Variants in SLC35F4 observed in about 807,000 individuals in gnomAD.
SLC35F4 encodes the protein chromosome 14 open reading frame 36.
A neutral mutation model predicts 44.2 loss-of-function variants in SLC35F4; 24 were observed. The ratio of observed to expected loss-of-function variants is 0.54; its 90% CI spans 0.39 to 0.76. SLC35F4 has a LOEUF of 0.76. SLC35F4 is among the 30% of genes least tolerant of loss of function. The pLI is 0.00. For synonymous variants in SLC35F4, 238 were observed against 223.6 expected, an observed-to-expected ratio of 1.06 and a Z score of -0.57; for missense variants, 562 against 586.1, an observed-to-expected ratio of 0.96 and a Z score of 0.42.
chr14:57,617,130 C>CTTTTTTTTTTTT lies in SLC35F4; in HGVS notation c.104-23018_104-23007dup, dbSNP rs3054446. On this transcript the variant is annotated intron_variant, in intron 1 of 7. Transcript: ENST00000556826. Reference sequence around the variant, plus strand: ...CGAGCTCAGCTTAACTGTACTTATTCTTTTTTTTTTTTTTTTTTGAGACAG... The same window carrying CTTTTTTTTTTTT: ...CGAGCTCAGCTTAACTGTACTTATTCTTTTTTTTTTTTTTTTTTTTTTTTTTTTTTGAGACAG... 3.0e-4 allele frequency among the ~76,000 whole-genome samples: 30 copies of CTTTTTTTTTTTT among 99,260 alleles called. 2 individuals carry two copies. Among genetic ancestry groups the CTTTTTTTTTTTT allele is most frequent in the Non-Finnish European group, 4.4e-4 (23 of 52,458 alleles). 65.1% of individuals were successfully genotyped at this position (99,260 alleles called of 152,430 possible). A position where few individuals can be genotyped will look rare whatever the true frequency, so the allele number is the denominator to read the frequency against.
At chr14:57,789,420 C>T (rs1441370987) in intron 1 of SLC35F4, among the ~76,000 whole-genome samples, 1 of 152,134 alleles carries the variant, frequency 6.6e-6, no homozygotes, top group Non-Finnish European at 1.5e-5. Flanking sequence ...TTCCTGGACA[C>T]ATACACCCTC....
chr14:57,635,060 G>A (rs1299034671), intron 1 of SLC35F4, among the ~76,000 whole-genome samples: 1 of 151,866 alleles, frequency 6.6e-6, no homozygotes, highest in African/African-American at 2.4e-5. Context: ...GACAAACCTG[G>A]GCATCATAGT....
intron 1 of SLC35F4, among the ~76,000 whole-genome samples, chr14:57,641,692 C>T (rs1441917127): frequency 6.6e-6 from 1 of 151,870 alleles, no homozygotes; most frequent in East Asian, 1.9e-4. Flanking sequence ...TAAAAGGAAA[C>T]AAAATTTATA....
intron 1 of SLC35F4, among the ~76,000 whole-genome samples, chr14:57,783,647 T>C (rs1006298706): frequency 5.9e-5 from 9 of 152,196 alleles, no homozygotes; most frequent in South Asian, 4.1e-4. Context: ...GGTTGCTCCA[T>C]TGATGCTTTG....
At chr14:57,732,902 G>A (rs1305644634) in intron 1 of SLC35F4, among the ~76,000 whole-genome samples, 1 of 152,164 alleles carries the variant, frequency 6.6e-6, no homozygotes, top group East Asian at 1.9e-4. Flanking sequence ...AATTCACACT[G>A]CCTTTTGAAA....
At chr14:57,723,074 G>C (rs1426700297) in intron 1 of SLC35F4, among the ~76,000 whole-genome samples, 1 of 152,192 alleles carries the variant, frequency 6.6e-6, no homozygotes, top group Non-Finnish European at 1.5e-5. Context: ...CACTGGCTCT[G>C]AGCTGACATT....
At chr14:57,902,383 GAGAA>G (rs1408716494) in intron 1 of SLC35F4, among the ~76,000 whole-genome samples, 2 of 152,116 alleles carry the variant, frequency 1.3e-5, no homozygotes, top group South Asian at 2.1e-4. Flanking sequence ...GACCAACATG[GAGAA>G]ACCCTGTCCC....
chr14:57,571,383 A>G (rs1301153121), intron 5 of SLC35F4, among the ~76,000 whole-genome samples: 1 of 152,224 alleles, frequency 6.6e-6, no homozygotes, highest in African/African-American at 2.4e-5. Context: ...TAGTAACACG[A>G]GCTCCTGTGG....
chr14:57,625,062 T>G (rs1361863857), intron 1 of SLC35F4, among the ~76,000 whole-genome samples: 1 of 152,208 alleles, frequency 6.6e-6, no homozygotes, highest in Non-Finnish European at 1.5e-5. Flanking sequence ...AACCCCATCA[T>G]CTCAGCCCAA....
intron 1 of SLC35F4, among the ~76,000 whole-genome samples, chr14:57,895,593 T>TCTCC (rs1434291490): frequency 6.6e-6 from 1 of 151,850 alleles, no homozygotes; most frequent in Non-Finnish European, 1.5e-5. Context: ...TCTCTCTCTC[T>TCTCC]CTCTCTCTCT....
intron 5 of SLC35F4, among the ~76,000 whole-genome samples, chr14:57,570,554 G>T (rs1225952369): frequency 6.6e-6 from 1 of 152,168 alleles, no homozygotes; most frequent in African/African-American, 2.4e-5. Flanking sequence ...GAGGAAGATG[G>T]CAAGGAGAAG....
Position 57,644,538 on chromosome 14 carries a change from C to A in SLC35F4, c.104-50414G>T, listed in dbSNP as rs1005701345. On this transcript the variant is annotated intron_variant, in intron 1 of 7. Coordinates refer to ENST00000556826, the MANE Select transcript of SLC35F4 (RefSeq NM_001306087.2). ...AGCCCTTTGTCAGATGAGTAGGTTG[C>A]GAAAATTTTCTCCCATTCTGTAGGT... is the stretch of plus-strand genomic sequence containing the variant. Among the ~76,000 whole-genome samples, 10 of 151,472 alleles carry A rather than the reference C, an allele frequency of 6.6e-5. No homozygotes were observed. The East Asian group carries it at 1.7e-3, about 26-fold the overall frequency.
At chr14:57,726,841 G>A (rs2076216228) in intron 1 of SLC35F4, among the ~76,000 whole-genome samples, 1 of 152,086 alleles carries the variant, frequency 6.6e-6, no homozygotes, top group South Asian at 2.1e-4. Context: ...GAATTAGTGG[G>A]CTGGGAAAGG....
At chr14:57,857,175 G>A (rs967811687) in intron 1 of SLC35F4, among the ~76,000 whole-genome samples, 1 of 151,860 alleles carries the variant, frequency 6.6e-6, no homozygotes, top group Non-Finnish European at 1.5e-5. Context: ...TACTCGGGAG[G>A]TGGAGACAGG....
chr14:57,810,022 C>T (rs562876995), intron 1 of SLC35F4, among the ~76,000 whole-genome samples: 7 of 152,294 alleles, frequency 4.6e-5, no homozygotes, highest in Admixed American at 6.5e-5. Flanking sequence ...GGTAAAAGAA[C>T]GATCTACTGT....
At chr14:57,813,547 C>T (rs1882214738) in intron 1 of SLC35F4, among the ~76,000 whole-genome samples, 4 of 151,788 alleles carry the variant, frequency 2.6e-5, no homozygotes, top group Admixed American at 2.0e-4. Context: ...CAGAGTGAGA[C>T]TGTCTCAAAA....
chr14:57,613,363 C>T (rs1418801644), intron 1 of SLC35F4, among the ~76,000 whole-genome samples: 1 of 152,136 alleles, frequency 6.6e-6, no homozygotes, highest in Non-Finnish European at 1.5e-5. Context: ...AAGGAGAAGT[C>T]TTACTGATGG....
chr14:57,719,326 A>G (rs1323885362), intron 1 of SLC35F4, among the ~76,000 whole-genome samples: 2 of 152,066 alleles, frequency 1.3e-5, no homozygotes, highest in Non-Finnish European at 2.9e-5. Context: ...TTCCATATGA[A>G]TTTTAGGATT....
chr14:57,639,718 T>A (rs548407185), intron 1 of SLC35F4, among the ~76,000 whole-genome samples: 20 of 152,130 alleles, frequency 1.3e-4, no homozygotes, highest in Non-Finnish European at 5.9e-5. Flanking sequence ...TAAATGACAA[T>A]TGTCTAAGTC....
Sources: allele counts gnomAD v4.1 joint callset (sites outside exome capture counted in the v4.1 genomes callset), GRCh38; gene constraint gnomAD v4.1.1; transcripts MANE v1.5; gene names NCBI Gene and HGNC (gene_info 2026-07-23, HGNC 2026-07-21).